TNR: variants seen among roughly 807,000 people sequenced by gnomAD.
TNR encodes tenascin R, also known as tenascin-R.
In TNR, 45 loss-of-function variants were observed where a neutral mutation model predicts 150.4. The ratio of observed to expected loss-of-function variants is 0.30; its 90% CI spans 0.24 to 0.38. TNR has a LOEUF of 0.38. Among genes scored for constraint, TNR ranks in the 10% least tolerant of loss-of-function variants. The probability of loss-of-function intolerance (pLI) is 1.00; values close to 1 mark genes in which losing one functional copy is unlikely to be tolerated. For missense variants in TNR, 1,544 were observed against 1,759.1 expected, an observed-to-expected ratio of 0.88 and a Z score of 2.19; for synonymous variants, 687 against 678.4, an observed-to-expected ratio of 1.01 and a Z score of -0.20.
intron 1 of TNR, among the ~76,000 whole-genome samples, chr1:175,712,586 G>T (rs1439697039): frequency 2.0e-5 from 3 of 152,098 alleles, no homozygotes; most frequent in African/African-American, 7.2e-5. Flanking sequence ...CAATGCTGGT[G>T]GTGGGGCCTG....
chr1:175,677,437 C>T (rs1276347094), intron 1 of TNR, among the ~76,000 whole-genome samples: 1 of 152,146 alleles, frequency 6.6e-6, no homozygotes. Flanking sequence ...CTGGAAGTAG[C>T]CACAGGAGGG....
intron 2 of TNR, among the ~76,000 whole-genome samples, chr1:175,474,810 T>G (rs1346693962): frequency 6.6e-6 from 1 of 152,236 alleles, no homozygotes; most frequent in Non-Finnish European, 1.5e-5. Context: ...TCAGTTTGTA[T>G]TTGTTGAATG....
chr1:175,475,783 C>A (rs1657521708), intron 2 of TNR, among the ~76,000 whole-genome samples: 1 of 150,428 alleles, frequency 6.6e-6, no homozygotes, highest in Non-Finnish European at 1.5e-5. Context: ...AAAAAAAAAA[C>A]TCATTCTTAC....
At chr1:175,738,051 C>T (rs1292185460) in intron 1 of TNR, among the ~76,000 whole-genome samples, 2 of 152,154 alleles carry the variant, frequency 1.3e-5, no homozygotes, top group Non-Finnish European at 2.9e-5. Flanking sequence ...CAATGAGAGT[C>T]TGAATATAGA....
chr1:175,583,805 T>C (rs1431168526), intron 1 of TNR, among the ~76,000 whole-genome samples: 1 of 152,156 alleles, frequency 6.6e-6, no homozygotes, highest in East Asian at 1.9e-4. Context: ...ACATCTCCAG[T>C]TGAGATAGTT....
intron 2 of TNR, among the ~76,000 whole-genome samples, chr1:175,508,151 G>T (rs1038799083): frequency 1.3e-5 from 2 of 152,106 alleles, no homozygotes; most frequent in Non-Finnish European, 2.9e-5. Flanking sequence ...GGACAGATAC[G>T]TCATGTATGT....
At chr1:175,699,527 G>A (rs932185820) in intron 1 of TNR, among the ~76,000 whole-genome samples, 3 of 152,154 alleles carry the variant, frequency 2.0e-5, no homozygotes, top group Non-Finnish European at 4.4e-5. Flanking sequence ...TGATACACAG[G>A]GGAGATGATA....
chr1:175,410,339 C>T (rs1179994804), intron 2 of TNR, among the ~76,000 whole-genome samples: 1 of 152,176 alleles, frequency 6.6e-6, no homozygotes, highest in Non-Finnish European at 1.5e-5. Context: ...TCAAATGCAT[C>T]CACATATCAA....
At position 175,406,593 on chromosome 1, in the gene TNR, T is replaced by C. The variant is rs747078672; in HGVS notation, c.122A>G (p.Gln41Arg). 3.3e-5 allele frequency: 54 copies of C among 1,614,126 alleles called. No homozygotes were observed. The South Asian group carries it at 4.9e-4, about 15-fold the overall frequency. Residue 41 changes from glutamine (Q) to arginine (R), a missense_variant, in exon 3 of 23, where the codon CAG becomes CGG. By Grantham distance (43) the Gln-to-Arg change is conservative (BLOSUM62 1). Around this residue, in one of 2 missense-constraint regions of TNR, gnomAD observed 1,254 missense variants for 1,329.4 expected, o/e 0.94. Transcript: ENST00000367674. ...CQLEVTTERV[Q>R]RQSVEEEGGI... ...TCCCTCCTCCTCCACTGACTGTCTC[T>C]GGACCCTTTCTGTGGTGACCTCCAG... is the stretch of plus-strand genomic sequence containing the variant.
intron 2 of TNR, among the ~76,000 whole-genome samples, chr1:175,471,096 A>G (rs772796200): frequency 1.3e-5 from 2 of 152,248 alleles, no homozygotes; most frequent in Admixed American, 6.5e-5. Context: ...TAGTCAGCGA[A>G]GAGAGAAGGG....
chr1:175,349,602 A>G lies in TNR; in HGVS notation c.3382+4789T>C, dbSNP rs188946694. On this transcript the variant is annotated intron_variant, in intron 18 of 22. Coordinates refer to ENST00000367674, the MANE Select transcript of TNR (RefSeq NM_003285.3). ...ATACAAACAAAAGGACACAAATTTA[A>G]TGTATCAAATGCCTGCCTATGGAAG... Among the ~76,000 whole-genome samples the G allele has an allele frequency of 5.3e-5, 8 of 152,346 alleles. No individual in the cohort carries two copies. In the East Asian group the frequency reaches 1.3e-3, roughly 26 times the overall value.
chr1:175,346,671 T>C lies in TNR; in HGVS notation c.3382+7720A>G, dbSNP rs185339831. The stretch of plus-strand genomic sequence containing the variant: ...ATGCTACTAAATTCTGGAAATCAGA[T>C]GAAATGAATATATTTCCAAAAATTT... On this transcript the variant is annotated intron_variant, in intron 18 of 22. Transcript: ENST00000367674. Among the ~76,000 whole-genome samples, 7 of 152,240 alleles carry C rather than the reference T, an allele frequency of 4.6e-5. No homozygotes were observed. In the East Asian group the frequency reaches 5.8e-4, roughly 13 times the overall value.
chr1:175,600,306 T>C (rs1663186438), intron 1 of TNR, among the ~76,000 whole-genome samples: 1 of 152,250 alleles, frequency 6.6e-6, no homozygotes, highest in Non-Finnish European at 1.5e-5. Flanking sequence ...ATAAGTATTA[T>C]TAGTATCAGT....
At chr1:175,714,419 T>C (rs1283588975) in intron 1 of TNR, among the ~76,000 whole-genome samples, 2 of 152,228 alleles carry the variant, frequency 1.3e-5, no homozygotes, top group East Asian at 3.9e-4. Flanking sequence ...GGTTTGGAGA[T>C]CTAAGGATGA....
At position 175,461,334 on chromosome 1, in the gene TNR, G is replaced by A. The variant is rs537845531; in HGVS notation, c.-63-54557C>T. Among the ~76,000 whole-genome samples the A allele has an allele frequency of 2.6e-5, 4 of 152,260 alleles. No individual in the cohort carries two copies. In the East Asian group the frequency reaches 7.7e-4, roughly 29 times the overall value. ...AAGATGCAATTTACCTCACAGGAGG[G>A]ATGACTTTTGCTCCCAACAAAATGT... On this transcript the variant is annotated intron_variant, in intron 2 of 22. Coordinates refer to ENST00000367674, the MANE Select transcript of TNR (RefSeq NM_003285.3).
chr1:175,434,330 A>G (rs112215221), intron 2 of TNR, among the ~76,000 whole-genome samples: 2,294 of 151,962 alleles, frequency 0.015, 79 homozygotes, highest in African/African-American at 0.053. Flanking sequence ...ATAATGGATC[A>G]CCTCTTGCCT....
At chr1:175,707,992 A>G (rs1365172592) in intron 1 of TNR, among the ~76,000 whole-genome samples, 1 of 150,406 alleles carries the variant, frequency 6.6e-6, no homozygotes, top group Non-Finnish European at 1.5e-5. Context: ...ATGACTAGGA[A>G]CAGGTACAAA....
intron 1 of TNR, among the ~76,000 whole-genome samples, chr1:175,700,962 T>A (rs1354381516): frequency 6.6e-6 from 1 of 152,164 alleles, no homozygotes; most frequent in Non-Finnish European, 1.5e-5. Context: ...TAAATACCCA[T>A]CTTCAGCCCC....
At chr1:175,495,777 A>T (rs1024920319) in intron 2 of TNR, among the ~76,000 whole-genome samples, 5 of 152,250 alleles carry the variant, frequency 3.3e-5, no homozygotes, top group Non-Finnish European at 7.3e-5. Flanking sequence ...TCATGATATC[A>T]GAAGTGCCGT....
Sources: allele counts gnomAD v4.1 joint callset (sites outside exome capture counted in the v4.1 genomes callset), GRCh38; gene constraint gnomAD v4.1.1; regional missense constraint gnomAD v4.1.1; transcripts MANE v1.5; gene names NCBI Gene and HGNC (gene_info 2026-07-23, HGNC 2026-07-21).